Variants in DDHD1 observed in about 807,000 individuals in gnomAD.
The protein encoded by DDHD1 is phospholipase DDHD1.
In DDHD1, 49 loss-of-function variants were observed where a neutral mutation model predicts 96.4. The ratio of observed to expected loss-of-function variants is 0.51; its 90% CI spans 0.40 to 0.64. The LOEUF (loss-of-function observed/expected upper bound fraction) is 0.64, where lower values mean the gene tolerates loss of function less well. Ranked by LOEUF, DDHD1 falls within the 30% of genes least tolerant of loss-of-function variation. The pLI, the probability that DDHD1 is intolerant of heterozygous loss-of-function variation, is 0.00. For synonymous variants in DDHD1, 442 were observed against 446.5 expected (o/e 0.99, Z 0.13); for missense variants, 1,106 against 1,161.2 (o/e 0.95, Z 0.69).
intron 6 of DDHD1, among the ~76,000 whole-genome samples, chr14:53,066,269 A>T (rs1884002487): frequency 6.6e-6 from 1 of 152,130 alleles, no homozygotes; most frequent in Admixed American, 6.6e-5. Context: ...CTCCTGCCTC[A>T]GCCTCCTGAG....
At chr14:53,065,709 T>A (rs1883957966) in intron 6 of DDHD1, among the ~76,000 whole-genome samples, 1 of 152,202 alleles carries the variant, frequency 6.6e-6, no homozygotes, top group Non-Finnish European at 1.5e-5. Context: ...TGATCTAATT[T>A]AAACTGCTGT....
At chr14:53,116,030 C>T (rs576052306) in intron 1 of DDHD1, among the ~76,000 whole-genome samples, 4 of 152,110 alleles carry the variant, frequency 2.6e-5, no homozygotes, top group South Asian at 2.1e-4. Context: ...GATGGAGGAA[C>T]ATTTACCAAG....
intron 7 of DDHD1, among the ~76,000 whole-genome samples, chr14:53,062,035 C>CAAAAAA: frequency 1.3e-5 from 1 of 76,818 alleles, no homozygotes; most frequent in Non-Finnish European, 2.6e-5. Context: ...ACTCCGTCTC[C>CAAAAAA]AAAAAAAAAA....
intron 4 of DDHD1, among the ~76,000 whole-genome samples, 188 bp from the exon 5 acceptor site, chr14:53,074,035 T>C (rs938630784): frequency 6.6e-6 from 1 of 152,066 alleles, no homozygotes; most frequent in African/African-American, 2.4e-5. Flanking sequence ...TCATGGTTAT[T>C]TTCCTAAATT....
rs766413732 is a variant in DDHD1 at position 53,051,883 on chromosome 14, AAAG to A, written c.2479_2481del (p.Leu827del). The A allele has an allele frequency of 7.5e-6, 12 of 1,600,306 alleles. No homozygotes were observed. The highest frequency in any genetic ancestry group is 9.4e-6 in the Non-Finnish European group (11 of 1,172,786). On this transcript the variant is annotated inframe_deletion, in exon 12 of 13. Coordinates refer to ENST00000673822, the MANE Select transcript of DDHD1 (RefSeq NM_001160148.2). The stretch of plus-strand genomic sequence containing the variant: ...TTATTCTGCATTACATTTTCCGGAA[AAAG>A]AAGTTGTGGGAGATTAAAGAACGAT...
intron 2 of DDHD1, among the ~76,000 whole-genome samples, chr14:53,100,326 A>G (rs1370278070): frequency 1.3e-5 from 2 of 151,974 alleles, no homozygotes; most frequent in Non-Finnish European, 2.9e-5. Flanking sequence ...AAATTTAAAA[A>G]AAAAATTAGC....
chr14:53,108,833 T>C (rs1214622148), intron 1 of DDHD1, among the ~76,000 whole-genome samples: 4 of 152,252 alleles, frequency 2.6e-5, no homozygotes, highest in Non-Finnish European at 5.9e-5. Flanking sequence ...TTTTGTAGTA[T>C]GTTCACAGAT....
chr14:53,093,439 G>T lies in DDHD1; in HGVS notation c.1018C>A (p.His340Asn). ...TGGTTTCGACTCAACTTGAAACTAT[G>T]AACAGCTATTGCAAAAAGGAAAAGC... ...SKSIDGKDAV[H>N]SFKLSRNHVD... Residue 340 changes from histidine (H) to asparagine (N), a missense_variant, in exon 3 of 13, where the codon CAT becomes AAT. By Grantham distance (68) the His-to-Asn change is moderately conservative. Coordinates refer to ENST00000673822, the MANE Select transcript of DDHD1 (RefSeq NM_001160148.2). 1 of 1,609,328 alleles carries T rather than the reference G, an allele frequency of 6.2e-7. No individual in the cohort carries two copies. The highest frequency in any genetic ancestry group is 1.1e-5 in the South Asian group (1 of 89,180).
intron 12 of DDHD1, among the ~76,000 whole-genome samples, chr14:53,047,199 A>C (rs1282803167): frequency 6.6e-6 from 1 of 152,236 alleles, no homozygotes; most frequent in Non-Finnish European, 1.5e-5. Flanking sequence ...AGACAAAAAA[A>C]AATCACTTGG....
intron 1 of DDHD1, among the ~76,000 whole-genome samples, chr14:53,126,961 A>C (rs879702010): frequency 6.6e-6 from 1 of 152,208 alleles, no homozygotes; most frequent in Non-Finnish European, 1.5e-5. Context: ...TTAAGCTCTA[A>C]CGGGTTGAAA....
At chr14:53,146,867 T>C (rs1595273672) in intron 1 of DDHD1, among the ~76,000 whole-genome samples, 1 of 152,320 alleles carries the variant, frequency 6.6e-6, no homozygotes, top group East Asian at 1.9e-4. Flanking sequence ...AACTGAACTT[T>C]TAGAGTGTAT....
intron 8 of DDHD1, among the ~76,000 whole-genome samples, chr14:53,059,428 G>T (rs2139853893): frequency 6.6e-6 from 1 of 151,572 alleles, no homozygotes; most frequent in African/African-American, 2.4e-5. Context: ...TGTATTTTTA[G>T]TAGAGATGGG....
At chr14:53,119,756 C>T (rs111718486) in intron 1 of DDHD1, among the ~76,000 whole-genome samples, 4,023 of 152,262 alleles carry the variant, frequency 0.026, 163 homozygotes, top group African/African-American at 0.09. Flanking sequence ...TTCAACATAA[C>T]TTCATGCTAA....
chr14:53,069,232 A>T (rs141411444), intron 6 of DDHD1, among the ~76,000 whole-genome samples: 116 of 152,230 alleles, frequency 7.6e-4, no homozygotes, highest in Non-Finnish European at 1.4e-3. Flanking sequence ...CTCAGTGGGA[A>T]ATAATAGCGC....
intron 1 of DDHD1, among the ~76,000 whole-genome samples, chr14:53,146,931 GTTT>G (rs1157662966): frequency 6.9e-6 from 1 of 144,946 alleles, no homozygotes; most frequent in African/African-American, 2.5e-5. Context: ...AATGCTGACA[GTTT>G]TTTTTTTTTT....
intron 4 of DDHD1, among the ~76,000 whole-genome samples, chr14:53,074,471 T>A (rs1324933409): frequency 6.6e-6 from 1 of 151,892 alleles, no homozygotes; most frequent in African/African-American, 2.4e-5. Context: ...TAGTTTAGTA[T>A]CTACTTCTAA....
At position 53,037,404 on chromosome 14, in the gene DDHD1, C is replaced by A. The variant is rs1316562184; in HGVS notation, c.*9364G>T. Reference sequence around the variant, plus strand: ...ATAAATGTTCTCTTTTCTCTGAAACCTTACTGGCATGTTATTAGACTTCTT... The same window carrying A: ...ATAAATGTTCTCTTTTCTCTGAAACATTACTGGCATGTTATTAGACTTCTT... On this transcript the variant is annotated 3_prime_UTR_variant, in exon 13 of 13. Transcript: ENST00000673822. 5 of 152,130 alleles carry A rather than the reference C, an allele frequency of 3.3e-5. No homozygotes were observed. The highest frequency in any genetic ancestry group is 5.9e-5 in the Non-Finnish European group (4 of 68,004). The allele number at this position is 152,130 out of a possible 1,614,324, so 9.4% of individuals were successfully genotyped here. A position where few individuals can be genotyped will look rare whatever the true frequency, so the allele number is the denominator to read the frequency against.
chr14:53,091,730 G>A, intron 4 of DDHD1, 55 bp downstream of exon 4: 1 of 1,564,806 alleles, frequency 6.4e-7, no homozygotes. Context: ...CTTATACCCT[G>A]GATCAAAGTT....
intron 1 of DDHD1, 104 bp downstream of exon 1, chr14:53,152,147 ACGCCAGGCCT>A: frequency 8.7e-5 from 95 of 1,089,338 alleles, no homozygotes; most frequent in Admixed American, 5.7e-4. Context: ...CCCCAGCCAA[ACGCCAGGCCT>A]CACGCGCCTC....
Sources: gnomAD v4.1 joint callset for allele counts (sites outside exome capture counted in the v4.1 genomes callset) on GRCh38, gnomAD v4.1.1 for gene constraint, MANE v1.5 for transcripts, NCBI Gene and HGNC (gene_info 2026-07-23, HGNC 2026-07-21) for gene names.